BRCA1: variants seen among roughly 807,000 people sequenced by gnomAD.
The protein encoded by BRCA1 is BRCA1 DNA repair associated.
Under a neutral mutation model 173.7 loss-of-function variants are expected in BRCA1, and 140 were observed. The ratio of observed to expected loss-of-function variants is 0.81; its 90% CI spans 0.70 to 0.93. The LOEUF (loss-of-function observed/expected upper bound fraction) is 0.93. BRCA1 is among the 40% of genes least tolerant of loss of function. BRCA1 has a pLI of 0.00. For synonymous variants in BRCA1, 662 were observed against 756.0 expected, an observed-to-expected ratio of 0.88 and a Z score of 2.04; for missense variants, 1,983 against 2,172.5, an observed-to-expected ratio of 0.91 and a Z score of 1.73.
chr17:43,106,919 C>A (rs1451673215), intron 3 of BRCA1, among the ~76,000 whole-genome samples: 1 of 152,092 alleles, frequency 6.6e-6, no homozygotes, highest in Non-Finnish European at 1.5e-5. Context: ...AACACCTCAC[C>A]ACAAAGCTAT....
rs893056195 is a variant in BRCA1, at chr17:43,084,446, G to A, written c.4186-1871C>T. Among the ~76,000 whole-genome samples the A allele has an allele frequency of 2.6e-5, 4 of 152,196 alleles. No individual in the cohort carries two copies. In the South Asian group the frequency reaches 6.2e-4, roughly 24 times the overall value. ...CTCCCAAAGTGCTGGGATTACAGAC[G>A]TGAGTCACTGTGCCTGGCTTCAAAA... On this transcript the variant is annotated intron_variant, in intron 11 of 22. Transcript: ENST00000357654.
At chr17:43,124,479 C>G (rs888022132) in intron 1 of BRCA1, among the ~76,000 whole-genome samples, 1 of 152,090 alleles carries the variant, frequency 6.6e-6, no homozygotes, top group African/African-American at 2.4e-5. Flanking sequence ...CAACAACGAC[C>G]AAACCAACAC....
At chr17:43,120,047 A>G (rs1260439699) in intron 2 of BRCA1, among the ~76,000 whole-genome samples, 3 of 152,226 alleles carry the variant, frequency 2.0e-5, no homozygotes, top group Non-Finnish European at 4.4e-5. Context: ...ACCAGGCAAT[A>G]TTTTAGGCCT....
chr17:43,142,145 C>T (rs1368371717), intron 1 of BRCA1, among the ~76,000 whole-genome samples: 1 of 152,158 alleles, frequency 6.6e-6, no homozygotes, highest in African/African-American at 2.4e-5. Flanking sequence ...AACTCCTGAC[C>T]TCAGGTGGTC....
At chr17:43,119,582 G>A (rs1346261291) in intron 2 of BRCA1, among the ~76,000 whole-genome samples, 6 of 152,140 alleles carry the variant, frequency 3.9e-5, no homozygotes, top group East Asian at 3.8e-4. Flanking sequence ...AACCTGAGAT[G>A]ACTTGGGAAA....
At chr17:43,151,363 T>G (rs1376730200) in intron 1 of BRCA1, among the ~76,000 whole-genome samples, 1 of 152,070 alleles carries the variant, frequency 6.6e-6, no homozygotes, top group African/African-American at 2.4e-5. Context: ...ATGAATCACT[T>G]GAGGTTAGGT....
chr17:43,121,723 C>G (rs1484678931), intron 2 of BRCA1, among the ~76,000 whole-genome samples: 2 of 124,750 alleles, frequency 1.6e-5, no homozygotes, highest in Non-Finnish European at 3.5e-5. Flanking sequence ...TTAATCTTAA[C>G]AGGAAACAGA....
At chr17:43,056,561 G>A (rs1309275640) in intron 19 of BRCA1, among the ~76,000 whole-genome samples, 4 of 152,232 alleles carry the variant, frequency 2.6e-5, no homozygotes, top group South Asian at 2.1e-4. Context: ...AGGCCAAGGC[G>A]GGAGGATCAC....
chr17:43,128,201 G>A (rs1055195330), upstream of BRCA1, among the ~76,000 whole-genome samples: 13 of 152,122 alleles, frequency 8.5e-5, no homozygotes, highest in African/African-American at 3.1e-4. Context: ...GACCGCAGAG[G>A]TCTGCAGCTT....
At position 43,093,076 on chromosome 17, in the gene BRCA1, A is replaced by AACAACCATGAATTAGTCC; in HGVS notation, c.2437_2454dup (p.Gly813_Cys818dup). 1 of 1,613,688 alleles carries AACAACCATGAATTAGTCC rather than the reference A, an allele frequency of 6.2e-7. No individual in the cohort carries two copies. The highest frequency in any genetic ancestry group is 2.2e-5 in the East Asian group (1 of 44,876). ...TCTGTGTCATTTCTATTATCTTTGG[A>AACAACCATGAATTAGTCC]ACAACCATGAATTAGTCCCTTGGGG... On this transcript the variant is annotated inframe_insertion, in exon 10 of 23. Coordinates refer to ENST00000357654, the MANE Select transcript of BRCA1 (RefSeq NM_007294.4).
intron 1 of BRCA1, chr17:43,139,684 C>T: frequency 2.9e-6 from 1 of 350,062 alleles, no homozygotes; most frequent in East Asian, 7.8e-5. Context: ...GCTCCTCTCC[C>T]TCCTCCCACC....
At position 43,134,914 on chromosome 17, in the gene BRCA1, AG is replaced by A. The variant is rs1311862209; in HGVS notation, c.-19-10800del. Among the ~76,000 whole-genome samples the A allele has an allele frequency of 2.0e-5, 3 of 152,346 alleles. No individual in the cohort carries two copies. The East Asian group carries it at 5.8e-4, about 29-fold the overall frequency. On this transcript the variant is annotated intron_variant, in intron 1 of 7. Transcript: ENST00000634433. ...AAAGGAGCACAGGACGCCCAGGCCG[AG>A]GGCAGTGAAGCTTGCAGACCCAGGC...
intron 3 of BRCA1, among the ~76,000 whole-genome samples, chr17:43,107,326 G>C (rs1244350237): frequency 6.6e-6 from 1 of 151,258 alleles, no homozygotes; most frequent in Non-Finnish European, 1.5e-5. Context: ...GCCTCCCAAA[G>C]TGCTGGGATT....
At chr17:43,166,048 A>ATC (rs975441304) in intron 1 of BRCA1, 1 of 150,556 alleles carries the variant, frequency 6.6e-6, no homozygotes, top group Admixed American at 6.6e-5. Context: ...TTAACTTTGT[A>ATC]TCTCTCTCTC....
At chr17:43,159,043 G>A (rs558810892) in intron 1 of BRCA1, among the ~76,000 whole-genome samples, 7 of 152,054 alleles carry the variant, frequency 4.6e-5, no homozygotes, top group East Asian at 3.9e-4. Flanking sequence ...TGAGACCAGC[G>A]TGGCCAACAT....
chr17:43,153,086 A>G (rs1194242107), intron 1 of BRCA1, among the ~76,000 whole-genome samples: 1 of 152,114 alleles, frequency 6.6e-6, no homozygotes, highest in African/African-American at 2.4e-5. Flanking sequence ...CCACTGGTTA[A>G]GAGCGAAGGG....
At chr17:43,107,087 C>T (rs1296234543) in intron 3 of BRCA1, among the ~76,000 whole-genome samples, 55 of 118,404 alleles carry the variant, frequency 4.6e-4, no homozygotes, top group Non-Finnish European at 6.1e-4. Context: ...TTTTTTGAGA[C>T]GGAGTCTCGC....
chr17:43,078,204 C>G (rs1201455823), intron 12 of BRCA1, among the ~76,000 whole-genome samples: 1 of 152,104 alleles, frequency 6.6e-6, no homozygotes, highest in East Asian at 1.9e-4. Context: ...CTGCCTTAGC[C>G]TCCCAAGAAG....
intron 18 of BRCA1, among the ~76,000 whole-genome samples, chr17:43,059,515 A>AC (rs1567766257): frequency 2.4e-4 from 36 of 151,188 alleles, no homozygotes; most frequent in Middle Eastern, 3.4e-3. Flanking sequence ...AACAACAACA[A>AC]ATTCTCACAT....
Sources: allele counts gnomAD v4.1 joint callset (sites outside exome capture counted in the v4.1 genomes callset), GRCh38; gene constraint gnomAD v4.1.1; transcripts MANE v1.5; gene names NCBI Gene and HGNC (gene_info 2026-07-23, HGNC 2026-07-21).